The following UNC13C variants were observed in gnomAD, a reference collection of about 807,000 sequenced individuals.
The protein encoded by UNC13C is unc-13 homolog C.
In UNC13C, 174 loss-of-function variants were observed where a neutral mutation model predicts 245.4. The ratio of observed to expected loss-of-function variants is 0.71; its 90% CI spans 0.63 to 0.80. The LOEUF (loss-of-function observed/expected upper bound fraction) is 0.80. Among genes scored for constraint, UNC13C ranks in the 30% least tolerant of loss-of-function variants. The pLI is 0.00. For synonymous variants in UNC13C, 992 were observed against 895.1 expected (o/e 1.11, Z -1.93); for missense variants, 2,829 against 2,602.9 (o/e 1.09, Z -1.89).
At chr15:54,412,057 T>C (rs2040426405) in intron 18 of UNC13C, among the ~76,000 whole-genome samples, 1 of 152,082 alleles carries the variant, frequency 6.6e-6, no homozygotes, top group Middle Eastern at 3.2e-3. Context: ...TTAGTCCATT[T>C]TGACACTGCT....
intron 2 of UNC13C, among the ~76,000 whole-genome samples, chr15:54,069,293 A>T (rs1898211794): frequency 6.6e-6 from 1 of 152,166 alleles, no homozygotes; most frequent in Admixed American, 6.5e-5. Flanking sequence ...TTTTGTGCAA[A>T]GGTTCTATGA....
chr15:53,999,316 G>GAT (rs557591667), intron 1 of UNC13C, among the ~76,000 whole-genome samples: 104 of 151,580 alleles, frequency 6.9e-4, no homozygotes, highest in African/African-American at 2.4e-3. Flanking sequence ...ATATACATAA[G>GAT]ATATATATAC....
At chr15:54,073,239 C>A (rs1033106270) in intron 2 of UNC13C, among the ~76,000 whole-genome samples, 2 of 152,150 alleles carry the variant, frequency 1.3e-5, no homozygotes, top group Non-Finnish European at 2.9e-5. Context: ...GCATAGTATT[C>A]TGTGGTGTAT....
the UNC13C span, among the ~76,000 whole-genome samples, chr15:53,881,659 G>T: frequency 1.3e-5 from 2 of 152,180 alleles, no homozygotes; most frequent in Non-Finnish European, 2.9e-5. Flanking sequence ...CCTTTAGCCA[G>T]TTCTTTCTTG....
In UNC13C at chr15:54,293,927, T is replaced by G. The variant is rs2037365506; in HGVS notation, c.3851T>G (p.Val1284Gly). The change falls in exon 11 of 33, where the codon GTC becomes GGC. Residue 1284 changes from valine to glycine, a missense_variant. Coordinates refer to ENST00000260323, the MANE Select transcript of UNC13C (RefSeq NM_001080534.3). ...CATAACTCCACAGATCGAATCAAAG[T>G]CAGAGTATGGGATGAAGATGATGAT... is the stretch of plus-strand genomic sequence containing the variant. ...ECHNSTDRIK[V>G]RVWDEDDDIK... The G allele has an allele frequency of 6.3e-7, 1 of 1,584,984 alleles. No individual in the cohort carries two copies. The highest frequency in any genetic ancestry group is 8.6e-7 in the Non-Finnish European group (1 of 1,169,026).
At chr15:54,391,890 T>C (rs1412819088) in intron 17 of UNC13C, among the ~76,000 whole-genome samples, 1 of 152,124 alleles carries the variant, frequency 6.6e-6, no homozygotes, top group Non-Finnish European at 1.5e-5. Flanking sequence ...TTACATATCA[T>C]GATTTGCACT....
At chr15:54,447,529 A>G (rs1405124619) in intron 19 of UNC13C, among the ~76,000 whole-genome samples, 1 of 152,052 alleles carries the variant, frequency 6.6e-6, no homozygotes, top group Non-Finnish European at 1.5e-5. Flanking sequence ...GAATTTATCC[A>G]TTTCTTCTAG....
chr15:54,437,963 C>T (rs1596374810), intron 19 of UNC13C, among the ~76,000 whole-genome samples: 1 of 151,882 alleles, frequency 6.6e-6, no homozygotes, highest in Admixed American at 6.6e-5. Context: ...ACCTTGTATT[C>T]TTTGACTATC....
At chr15:54,271,149 C>T (rs1167674054) in intron 10 of UNC13C, among the ~76,000 whole-genome samples, 1 of 152,002 alleles carries the variant, frequency 6.6e-6, no homozygotes, top group Non-Finnish European at 1.5e-5. Context: ...CAGAATGGGG[C>T]ACTCTGGACA....
chr15:54,135,321 T>G (rs1156777685), intron 2 of UNC13C, among the ~76,000 whole-genome samples: 1 of 152,210 alleles, frequency 6.6e-6, no homozygotes, highest in African/African-American at 2.4e-5. Context: ...CCTGTTTATG[T>G]TTTATTTTGT....
At chr15:54,099,926 C>T (rs1306059409) in intron 2 of UNC13C, among the ~76,000 whole-genome samples, 1 of 151,908 alleles carries the variant, frequency 6.6e-6, no homozygotes, top group Admixed American at 6.6e-5. Flanking sequence ...GAAACCCTGT[C>T]TCCACTAAAT....
chr15:54,551,208 C>A (rs1019611238), intron 28 of UNC13C, among the ~76,000 whole-genome samples: 2 of 152,066 alleles, frequency 1.3e-5, no homozygotes, highest in African/African-American at 4.8e-5. Flanking sequence ...CCATAACAGA[C>A]CTTCATTTCT....
intron 19 of UNC13C, among the ~76,000 whole-genome samples, chr15:54,428,631 C>A (rs2040805725): frequency 6.6e-6 from 1 of 151,514 alleles, no homozygotes. Flanking sequence ...ACTGTTATAA[C>A]CCTAGCATCT....
chr15:54,059,604 G>GA (rs1304983420), intron 2 of UNC13C, among the ~76,000 whole-genome samples: 6 of 152,020 alleles, frequency 3.9e-5, no homozygotes, highest in African/African-American at 1.2e-4. Context: ...CACAGAATTG[G>GA]AAAAAACTAC....
chr15:54,060,322 C>T (rs1317387841), intron 2 of UNC13C, among the ~76,000 whole-genome samples: 1 of 152,008 alleles, frequency 6.6e-6, no homozygotes, highest in Non-Finnish European at 1.5e-5. Flanking sequence ...TGAACAGACA[C>T]TTCTCAAAAG....
chr15:54,455,805 C>T (rs190214173), intron 19 of UNC13C, among the ~76,000 whole-genome samples: 59 of 152,200 alleles, frequency 3.9e-4, no homozygotes, highest in African/African-American at 1.4e-3. Flanking sequence ...AAGATTTTCT[C>T]CCATTCTGTG....
the UNC13C span, among the ~76,000 whole-genome samples, chr15:53,970,544 C>G: frequency 2.6e-5 from 4 of 152,132 alleles, no homozygotes; most frequent in African/African-American, 4.8e-5. Flanking sequence ...TTGGATGGAG[C>G]TGGAAGCCAT....
At chr15:54,453,803 T>C (rs1891317050) in intron 19 of UNC13C, among the ~76,000 whole-genome samples, 1 of 152,218 alleles carries the variant, frequency 6.6e-6, no homozygotes, top group Admixed American at 6.5e-5. Flanking sequence ...TGATATAGTA[T>C]ATTATTTTTA....
chr15:54,363,514 T>A (rs115957669), intron 17 of UNC13C, among the ~76,000 whole-genome samples: 1 of 152,316 alleles, frequency 6.6e-6, no homozygotes, highest in African/African-American at 2.4e-5. Flanking sequence ...TGGTGACAAA[T>A]CAGGTTAAAG....
Sources: gnomAD v4.1 joint callset for allele counts (sites outside exome capture counted in the v4.1 genomes callset) on GRCh38, gnomAD v4.1.1 for gene constraint, MANE v1.5 for transcripts, NCBI Gene and HGNC (gene_info 2026-07-23, HGNC 2026-07-21) for gene names.